Variants in KCNH1 observed in about 807,000 individuals in gnomAD.
KCNH1 encodes the protein potassium voltage-gated channel subfamily H member 1, also known as voltage-gated delayed rectifier potassium channel KCNH1.
KCNH1 carries 27 observed loss-of-function variants against 69.2 expected under a neutral mutation model. The ratio of observed to expected loss-of-function variants is 0.39; its 90% CI spans 0.29 to 0.54. KCNH1 has a LOEUF of 0.54. Among genes scored for constraint, KCNH1 ranks in the 20% least tolerant of loss-of-function variants. The pLI is 0.68. For synonymous variants in KCNH1, 456 were observed against 487.7 expected (o/e 0.93, Z 0.86); for missense variants, 798 against 1,261.6 (o/e 0.63, Z 5.57).
intron 7 of KCNH1, among the ~76,000 whole-genome samples, chr1:210,851,660 G>A (rs1180448286): frequency 6.6e-6 from 1 of 152,176 alleles, no homozygotes; most frequent in Non-Finnish European, 1.5e-5. Context: ...ACCTAGATGG[G>A]ATACCTACTA....
chr1:211,081,731 C>T (rs1248849693), intron 5 of KCNH1, among the ~76,000 whole-genome samples: 3 of 152,190 alleles, frequency 2.0e-5, no homozygotes, highest in Non-Finnish European at 2.9e-5. Flanking sequence ...GAAAACCAAA[C>T]ACCACATGTT....
At chr1:210,817,893 A>G (rs1684851646) in intron 7 of KCNH1, among the ~76,000 whole-genome samples, 1 of 152,148 alleles carries the variant, frequency 6.6e-6, no homozygotes, top group African/African-American at 2.4e-5. Flanking sequence ...TTGGTGTGGG[A>G]CACTGTGTTG....
chr1:211,013,008 A>G (rs1689422437), intron 6 of KCNH1, among the ~76,000 whole-genome samples: 1 of 152,212 alleles, frequency 6.6e-6, no homozygotes, highest in South Asian at 2.1e-4. Context: ...AGGACTGCCT[A>G]TACAGTATTG....
At chr1:210,862,655 C>G (rs1194892574) in intron 7 of KCNH1, among the ~76,000 whole-genome samples, 1 of 152,142 alleles carries the variant, frequency 6.6e-6, no homozygotes, top group East Asian at 1.9e-4. Context: ...TAGTTAGAGG[C>G]AGGATTGAAA....
At chr1:210,762,139 C>T (rs1683535968) in intron 10 of KCNH1, among the ~76,000 whole-genome samples, 1 of 151,560 alleles carries the variant, frequency 6.6e-6, no homozygotes, top group African/African-American at 2.4e-5. Flanking sequence ...AGGTAAAAAA[C>T]AAAATTAAGG....
intron 10 of KCNH1, among the ~76,000 whole-genome samples, chr1:210,690,604 A>AG (rs1157413548): frequency 6.6e-6 from 1 of 152,240 alleles, no homozygotes; most frequent in African/African-American, 2.4e-5. Context: ...AGGATGAGGC[A>AG]GTTGGTTGGG....
rs181908307 is a variant in KCNH1, at chr1:210,930,837, A to G, written c.1033-10768T>C. Reference sequence around the variant, plus strand: ...CAACAAAGAACTCAAATCAGCAAGAAAAAACAAACAATCCCATCAAAAAGT... The same window carrying G: ...CAACAAAGAACTCAAATCAGCAAGAGAAAACAAACAATCCCATCAAAAAGT... On this transcript the variant is annotated intron_variant, in intron 6 of 10. Transcript: ENST00000271751. Among the ~76,000 whole-genome samples the G allele has an allele frequency of 3.5e-4, 54 of 152,360 alleles. 1 individual carries two copies. Among genetic ancestry groups the G allele is most frequent in the African/African-American group, 1.3e-3 (54 of 41,592 alleles).
chr1:210,991,701 T>C (rs777317588), intron 6 of KCNH1, among the ~76,000 whole-genome samples: 6 of 152,002 alleles, frequency 3.9e-5, no homozygotes, highest in Non-Finnish European at 7.4e-5. Context: ...GATTTAATCA[T>C]CCCACAATGA....
intron 6 of KCNH1, among the ~76,000 whole-genome samples, chr1:210,949,875 G>A (rs917848889): frequency 2.6e-5 from 4 of 152,140 alleles, no homozygotes; most frequent in South Asian, 2.1e-4. Flanking sequence ...AACATTATAC[G>A]AAGATGCTAT....
intron 6 of KCNH1, among the ~76,000 whole-genome samples, chr1:210,980,616 A>C (rs7517771): frequency 0.39 from 59,569 of 152,020 alleles, 12,136 homozygotes; most frequent in Non-Finnish European, 0.44. Context: ...GAAAGAAAAG[A>C]ATCATTTGCA....
At chr1:210,906,530 A>C (rs1687105007) in intron 7 of KCNH1, among the ~76,000 whole-genome samples, 1 of 152,244 alleles carries the variant, frequency 6.6e-6, no homozygotes, top group African/African-American at 2.4e-5. Context: ...TCCAGCTTTC[A>C]GCAGTATCCC....
intron 5 of KCNH1, among the ~76,000 whole-genome samples, chr1:211,027,603 GA>G (rs920754943): frequency 9.4e-5 from 13 of 138,932 alleles, no homozygotes; most frequent in African/African-American, 1.1e-4. Flanking sequence ...CTCAGGGAAA[GA>G]AAAAAAAAAG....
intron 4 of KCNH1, among the ~76,000 whole-genome samples, chr1:211,088,398 C>T (rs1690993019): frequency 6.6e-6 from 1 of 152,212 alleles, no homozygotes; most frequent in Non-Finnish European, 1.5e-5. Context: ...TGGCAGCATA[C>T]TTTCTAGGAT....
At chr1:211,013,357 C>A (rs1689429923) in intron 6 of KCNH1, among the ~76,000 whole-genome samples, 1 of 152,132 alleles carries the variant, frequency 6.6e-6, no homozygotes, top group Admixed American at 6.5e-5. Context: ...TCCACCCTCA[C>A]CATCCATCCC....
chr1:211,023,131 TAAA>T (rs1689618112), intron 5 of KCNH1, among the ~76,000 whole-genome samples: 5 of 130,184 alleles, frequency 3.8e-5, no homozygotes, highest in African/African-American at 1.6e-4. Flanking sequence ...AATAAATAAA[TAAA>T]TAAATAAATA....
At chr1:210,871,203 A>T (rs1404118360) in intron 7 of KCNH1, among the ~76,000 whole-genome samples, 3 of 152,208 alleles carry the variant, frequency 2.0e-5, no homozygotes, top group East Asian at 3.8e-4. Flanking sequence ...ACAAATTTAC[A>T]AGACAAAAAC....
intron 7 of KCNH1, among the ~76,000 whole-genome samples, chr1:210,838,733 C>T (rs139358524): frequency 0.22 from 33,486 of 151,992 alleles, 4,860 homozygotes; most frequent in Non-Finnish European, 0.33. Flanking sequence ...AAAAACAACC[C>T]CATTAAAAAG....
chr1:210,709,717 GA>G (rs35066560), intron 10 of KCNH1, among the ~76,000 whole-genome samples: 13 of 136,332 alleles, frequency 9.5e-5, no homozygotes, highest in South Asian at 2.6e-4. Context: ...GAGAAAGAAA[GA>G]AAGAAGAGAG....
chr1:210,878,433 A>G (rs1686428023), intron 7 of KCNH1, among the ~76,000 whole-genome samples: 1 of 152,174 alleles, frequency 6.6e-6, no homozygotes, highest in African/African-American at 2.4e-5. Flanking sequence ...AAGAATACAA[A>G]TGATGTAATG....
Sources: allele counts gnomAD v4.1 joint callset (sites outside exome capture counted in the v4.1 genomes callset), GRCh38; gene constraint gnomAD v4.1.1; transcripts MANE v1.5; gene names NCBI Gene and HGNC (gene_info 2026-07-23, HGNC 2026-07-21).